The following ANK2 variants were observed in gnomAD, a reference collection of about 807,000 sequenced individuals.
ANK2 encodes the protein ankyrin-2.
Under a neutral mutation model 360.5 loss-of-function variants are expected in ANK2, and 83 were observed. That is an observed-to-expected ratio of 0.23 (90% CI 0.19 to 0.28). ANK2 has a LOEUF of 0.28. Ranked by LOEUF, ANK2 falls within the 10% of genes least tolerant of loss-of-function variation. ANK2 has a pLI of 1.00. For synonymous variants in ANK2, 1,740 were observed against 1,759.5 expected (o/e 0.99, Z 0.28); for missense variants, 4,201 against 4,795.7 (o/e 0.88, Z 3.66).
intron 26 of ANK2, among the ~76,000 whole-genome samples, chr4:113,319,717 G>C (rs1272658893): frequency 6.6e-6 from 1 of 152,012 alleles, no homozygotes; most frequent in Non-Finnish European, 1.5e-5. Flanking sequence ...GTAGAGGCTA[G>C]TTCCTAATGC....
intron 2 of ANK2, among the ~76,000 whole-genome samples, chr4:112,977,777 T>A (rs1428228824): frequency 6.6e-6 from 1 of 152,130 alleles, no homozygotes; most frequent in African/African-American, 2.4e-5. Context: ...TTCCCCTCTC[T>A]GTGTCCATGT....
At chr4:112,731,257 C>T in the ANK2 span, among the ~76,000 whole-genome samples, 2 of 140,570 alleles carry the variant, frequency 1.4e-5, no homozygotes, top group African/African-American at 5.4e-5. Context: ...CACCACTTCA[C>T]TGTCTTCCAG....
intron 2 of ANK2, among the ~76,000 whole-genome samples, chr4:112,925,606 T>C (rs954707735): frequency 6.6e-6 from 1 of 152,216 alleles, no homozygotes; most frequent in Non-Finnish European, 1.5e-5. Flanking sequence ...ATAATAGTGA[T>C]AGTAAATACC....
At chr4:112,834,082 C>T (rs1303639870) in intron 1 of ANK2, among the ~76,000 whole-genome samples, 1 of 152,108 alleles carries the variant, frequency 6.6e-6, no homozygotes, top group African/African-American at 2.4e-5. Context: ...ACAAAGTTGC[C>T]TTATGCTTTA....
intron 1 of ANK2, among the ~76,000 whole-genome samples, chr4:113,115,472 T>C (rs2094671652): frequency 6.6e-6 from 1 of 152,180 alleles, no homozygotes; most frequent in Admixed American, 6.5e-5. Context: ...AATACAACAC[T>C]GATCCATGCC....
At chr4:112,944,412 T>C (rs1276014418) in intron 2 of ANK2, among the ~76,000 whole-genome samples, 1 of 152,196 alleles carries the variant, frequency 6.6e-6, no homozygotes. Flanking sequence ...TTAGGAATTT[T>C]TAAAAATGTA....
At chr4:113,312,801 AG>A (rs1563666031) in intron 24 of ANK2, among the ~76,000 whole-genome samples, 1 of 152,180 alleles carries the variant, frequency 6.6e-6, no homozygotes, top group Non-Finnish European at 1.5e-5. Flanking sequence ...TTTGCATAGC[AG>A]GGGGATCCTT....
At chr4:112,752,530 C>T in the ANK2 span, among the ~76,000 whole-genome samples, 1 of 150,124 alleles carries the variant, frequency 6.7e-6, no homozygotes, top group Non-Finnish European at 1.5e-5. Context: ...CACATGCCAC[C>T]AGGCCTGGCT....
At chr4:112,939,466 T>C (rs997070928) in intron 2 of ANK2, among the ~76,000 whole-genome samples, 4 of 141,084 alleles carry the variant, frequency 2.8e-5, no homozygotes, top group Admixed American at 1.4e-4. Flanking sequence ...TGTGCCACCA[T>C]GCCTGGCTAA....
In ANK2 at chr4:113,357,901, A is replaced by G. The variant is rs1283426067; in HGVS notation, c.9283A>G (p.Thr3095Ala). The G allele has an allele frequency of 6.2e-7, 1 of 1,613,988 alleles. No homozygotes were observed. Among genetic ancestry groups the G allele is most frequent in the Non-Finnish European group, 8.5e-7 (1 of 1,179,990 alleles). ...ARTPTEEGTP[T>A]SEQNPFLFQE... ...GACCCCAACTGAAGAGGGGACCCCA[A>G]CAAGTGAGCAAAACCCATTTCTGTT... Residue 3095 changes from threonine (T) to alanine (A), a missense_variant, in exon 38 of 46, where the codon ACA (threonine) becomes GCA (alanine). Transcript: ENST00000357077.
intron 1 of ANK2, among the ~76,000 whole-genome samples, chr4:113,170,571 T>C (rs1001748680): frequency 5.3e-5 from 8 of 152,196 alleles, no homozygotes; most frequent in East Asian, 1.9e-4. Context: ...TAGGTTATTA[T>C]TGAAACGTAA....
chr4:112,908,515 C>T (rs1460588575), intron 2 of ANK2, among the ~76,000 whole-genome samples: 1 of 152,158 alleles, frequency 6.6e-6, no homozygotes, highest in East Asian at 1.9e-4. Context: ...GAGTGCTACT[C>T]AAGTCAAATA....
chr4:112,780,692 C>A, the ANK2 span, among the ~76,000 whole-genome samples: 1 of 151,942 alleles, frequency 6.6e-6, no homozygotes, highest in African/African-American at 2.4e-5. Flanking sequence ...AGGAAACTTA[C>A]AATCATGGCG....
intron 4 of ANK2, among the ~76,000 whole-genome samples, chr4:113,230,114 A>C (rs2099273919): frequency 6.6e-6 from 1 of 152,100 alleles, no homozygotes; most frequent in Non-Finnish European, 1.5e-5. Flanking sequence ...TTTAAAAAAT[A>C]TGCTATCCAG....
chr4:113,089,498 G>A (rs865883834), intron 1 of ANK2, among the ~76,000 whole-genome samples: 12 of 152,200 alleles, frequency 7.9e-5, no homozygotes, highest in Non-Finnish European at 1.5e-4. Context: ...GAAGATGCTA[G>A]TATTTATTGT....
chr4:113,051,021 T>G (rs943664215), intron 1 of ANK2, among the ~76,000 whole-genome samples: 91 of 152,264 alleles, frequency 6.0e-4, no homozygotes, highest in African/African-American at 2.2e-3. Flanking sequence ...GTAGAGATAG[T>G]GATACAATCT....
Position 113,344,731 on chromosome 4 carries a change from A to G in ANK2, c.4249-1169A>G, listed in dbSNP as rs143189282. On this transcript the variant is annotated intron_variant, in intron 34 of 45. Coordinates refer to ENST00000357077, the MANE Select transcript of ANK2 (RefSeq NM_001148.6). Reference sequence around the variant, plus strand: ...GAAGGAAATTCTAGTTTATGCTGCAATATGGTAAATGAAATAAGCTAGACA... The same window carrying G: ...GAAGGAAATTCTAGTTTATGCTGCAGTATGGTAAATGAAATAAGCTAGACA... 5.4e-4 allele frequency among the ~76,000 whole-genome samples: 82 copies of G among 152,332 alleles called. No individual in the cohort carries two copies. In the East Asian group the frequency reaches 0.012, roughly 22 times the overall value.
At chr4:113,360,753 A>G (rs2096158380) in intron 38 of ANK2, 70 bp from the exon 39 acceptor site, 1 of 1,351,532 alleles carries the variant, frequency 7.4e-7, no homozygotes, top group African/African-American at 1.4e-5. Context: ...CTTTCTTTGA[A>G]TGAATCAGTA....
chr4:112,958,612 A>C (rs1412858690), intron 2 of ANK2, among the ~76,000 whole-genome samples: 1 of 150,816 alleles, frequency 6.6e-6, no homozygotes, highest in Non-Finnish European at 1.5e-5. Flanking sequence ...GACCGTGGGG[A>C]GAGGGAGAGG....
Sources: allele counts gnomAD v4.1 joint callset (sites outside exome capture counted in the v4.1 genomes callset), GRCh38; gene constraint gnomAD v4.1.1; transcripts MANE v1.5; gene names NCBI Gene and HGNC (gene_info 2026-07-23, HGNC 2026-07-21).